Variants in ALK observed in about 807,000 individuals in gnomAD.
ALK encodes ALK receptor tyrosine kinase.
ALK carries 74 observed loss-of-function variants against 163.1 expected under a neutral mutation model. The ratio of observed to expected loss-of-function variants is 0.45; its 90% CI spans 0.38 to 0.55. The LOEUF (loss-of-function observed/expected upper bound fraction) is 0.55. Ranked by LOEUF, ALK falls within the 20% of genes least tolerant of loss-of-function variation. The probability of loss-of-function intolerance (pLI) is 0.00; values close to 1 mark genes in which losing one functional copy is unlikely to be tolerated. For missense variants in ALK, 2,063 were observed against 2,105.3 expected, an observed-to-expected ratio of 0.98 and a Z score of 0.39; for synonymous variants, 960 against 843.2, an observed-to-expected ratio of 1.14 and a Z score of -2.40.
At chr2:29,707,626 T>G (rs1436320267) in intron 2 of ALK, among the ~76,000 whole-genome samples, 1 of 152,210 alleles carries the variant, frequency 6.6e-6, no homozygotes, top group Non-Finnish European at 1.5e-5. Flanking sequence ...TAATTCAGTA[T>G]AGTTGTATAA....
chr2:29,366,118 A>G (rs969298627), intron 5 of ALK, among the ~76,000 whole-genome samples: 1 of 152,216 alleles, frequency 6.6e-6, no homozygotes, highest in Non-Finnish European at 1.5e-5. Context: ...TGAGTCTAAA[A>G]AGCTAAACTT....
intron 8 of ALK, among the ~76,000 whole-genome samples, chr2:29,317,266 G>C (rs1435508508): frequency 6.6e-6 from 1 of 152,200 alleles, no homozygotes; most frequent in East Asian, 1.9e-4. Flanking sequence ...TCCTGAAACT[G>C]AGCCAGACAG....
At position 29,706,696 on chromosome 2, in the gene ALK, T is replaced by A. The variant is rs565668255; in HGVS notation, c.787+10882A>T. ...GGGAGATACACACGGAAAGCTGAAT[T>A]CTTATTTCTCTTATCTGTGACCATT... On this transcript the variant is annotated intron_variant, in intron 2 of 28. Transcript: ENST00000389048. 7.2e-5 allele frequency among the ~76,000 whole-genome samples: 11 copies of A among 152,286 alleles called. No homozygotes were observed. In the East Asian group the frequency reaches 2.1e-3, roughly 29 times the overall value.
rs1664472929 is a variant in ALK at position 29,239,712 on chromosome 2, C to G, written c.2323G>C (p.Val775Leu). The G allele has an allele frequency of 6.2e-7, 1 of 1,613,964 alleles. No homozygotes were observed. The highest frequency in any genetic ancestry group is 8.5e-7 in the Non-Finnish European group (1 of 1,180,048). The part of the protein sequence containing the change: ...LEKDDMLYIL[V>L]GQQGEDACPS... ...CAGGCGTCCTCTCCCTGCTGCCCAACCAGGATGTACAGCATGTCATCCTTC... is the reference window on the plus strand; with the variant it reads ...CAGGCGTCCTCTCCCTGCTGCCCAAGCAGGATGTACAGCATGTCATCCTTC... The change falls in exon 13 of 29, where the codon GTT becomes CTT. Residue 775 changes from valine to leucine, a missense_variant. Val to Leu is a conservative substitution (Grantham distance 32, BLOSUM62 1). Transcript: ENST00000389048.
chr2:29,284,880 C>A (rs540825947), intron 9 of ALK, among the ~76,000 whole-genome samples: 24 of 152,328 alleles, frequency 1.6e-4, no homozygotes, highest in South Asian at 6.2e-4. Context: ...TCTTCTTGAA[C>A]GGCTGAAGCT....
rs886055938 is a variant in ALK at position 29,921,283 on chromosome 2, G to C, written c.-624C>G. ...CGGACTGTCTGCCTGCTGAACTTCT[G>C]GGCGTGAATCCCAGCCCCCGCGCTG... On this transcript the variant is annotated 5_prime_UTR_variant, in exon 1 of 29. Transcript: ENST00000389048. 9 of 233,204 alleles carry C rather than the reference G, an allele frequency of 3.9e-5. No individual in the cohort carries two copies. The highest frequency in any genetic ancestry group is 6.8e-5 in the Non-Finnish European group (8 of 118,124). 14.4% of individuals were successfully genotyped at this position (233,204 alleles called of 1,614,324 possible).
chr2:29,402,311 C>G (rs1050069054), intron 4 of ALK, among the ~76,000 whole-genome samples: 25 of 152,224 alleles, frequency 1.6e-4, no homozygotes, highest in African/African-American at 6.0e-4. Context: ...AACAACTTCC[C>G]CACAGGCCTG....
intron 2 of ALK, among the ~76,000 whole-genome samples, chr2:29,714,007 G>A (rs1679179395): frequency 6.6e-6 from 1 of 151,952 alleles, no homozygotes. Context: ...TAAAACTCAA[G>A]GTGATCAAAA....
chr2:29,634,280 T>C (rs1451981421), intron 3 of ALK, among the ~76,000 whole-genome samples: 11 of 152,168 alleles, frequency 7.2e-5, no homozygotes, highest in Admixed American at 6.5e-4. Context: ...TTTATGAAGC[T>C]AGTATTACTC....
chr2:29,777,623 A>G (rs1338494765), intron 1 of ALK, among the ~76,000 whole-genome samples: 3 of 152,178 alleles, frequency 2.0e-5, no homozygotes, highest in Non-Finnish European at 2.9e-5. Flanking sequence ...GACAGTCAAA[A>G]GAATATCTCA....
At chr2:29,582,917 T>C (rs1674757041) in intron 3 of ALK, among the ~76,000 whole-genome samples, 1 of 150,524 alleles carries the variant, frequency 6.6e-6, no homozygotes, top group African/African-American at 2.5e-5. Flanking sequence ...CTCTGGAGTG[T>C]GGTAGTATGA....
At chr2:29,684,934 T>C (rs1678192616) in intron 3 of ALK, among the ~76,000 whole-genome samples, 1 of 152,258 alleles carries the variant, frequency 6.6e-6, no homozygotes, top group South Asian at 2.1e-4. Context: ...ATTTAATGAA[T>C]GCCTATTTTA....
At chr2:29,483,896 A>C (rs1191036679) in intron 4 of ALK, among the ~76,000 whole-genome samples, 1 of 152,186 alleles carries the variant, frequency 6.6e-6, no homozygotes, top group Non-Finnish European at 1.5e-5. Flanking sequence ...GGTAATTTAT[A>C]AAGAAAAACA....
chr2:29,721,332 G>A (rs1393609757), intron 1 of ALK, among the ~76,000 whole-genome samples: 1 of 152,130 alleles, frequency 6.6e-6, no homozygotes, highest in African/African-American at 2.4e-5. Context: ...TCCTGGAGCA[G>A]GTAGATGTGG....
chr2:29,338,935 G>A (rs933730381), intron 5 of ALK, among the ~76,000 whole-genome samples: 1 of 152,200 alleles, frequency 6.6e-6, no homozygotes, highest in African/African-American at 2.4e-5. Flanking sequence ...CAGCACTGGG[G>A]TGACAGTGGT....
intron 19 of ALK, chr2:29,223,974 C>A (rs1315206639): frequency 3.2e-6 from 1 of 311,410 alleles, no homozygotes; most frequent in African/African-American, 2.1e-5. Context: ...GGTGGAAGCA[C>A]CCTGGGTGCC....
intron 1 of ALK, among the ~76,000 whole-genome samples, chr2:29,889,368 G>A (rs1314072377): frequency 6.6e-6 from 1 of 151,922 alleles, no homozygotes; most frequent in Non-Finnish European, 1.5e-5. Context: ...TTTAAGGAAT[G>A]ATACCATTCA....
chr2:29,658,079 C>G (rs1171203147), intron 3 of ALK, among the ~76,000 whole-genome samples: 1 of 152,110 alleles, frequency 6.6e-6, no homozygotes, highest in African/African-American at 2.4e-5. Flanking sequence ...AAAACGTGAG[C>G]TTCCAGTGTT....
chr2:29,382,631 A>C (rs1295530856), intron 5 of ALK, among the ~76,000 whole-genome samples: 7 of 152,314 alleles, frequency 4.6e-5, no homozygotes, highest in African/African-American at 1.7e-4. Flanking sequence ...GATCCTTGAC[A>C]TCTGTGAGGA....
Sources: gnomAD v4.1 joint callset for allele counts (sites outside exome capture counted in the v4.1 genomes callset) on GRCh38, gnomAD v4.1.1 for gene constraint, MANE v1.5 for transcripts, NCBI Gene and HGNC (gene_info 2026-07-23, HGNC 2026-07-21) for gene names.